Variants in IGFL2 observed in about 807,000 individuals in gnomAD.
IGFL2 encodes the protein insulin growth factor-like family member 2.
A neutral mutation model predicts 13.9 loss-of-function variants in IGFL2; 7 were observed. The ratio of observed to expected loss-of-function variants is 0.51; its 90% confidence interval spans 0.29 to 0.95. The LOEUF (loss-of-function observed/expected upper bound fraction) is 0.95. Ranked by LOEUF, IGFL2 falls within the 40% of genes least tolerant of loss-of-function variation. The pLI is 0.08. For synonymous variants in IGFL2, 55 were observed against 55.8 expected, an observed-to-expected ratio of 0.99 and a Z score of 0.07; for missense variants, 138 against 147.8, an observed-to-expected ratio of 0.93 and a Z score of 0.34.
chr19:46,140,245 C>CTATATA (rs10574851), upstream of IGFL2, among the ~76,000 whole-genome samples: 275 of 148,580 alleles, frequency 1.9e-3, 1 homozygote, highest in Middle Eastern at 7.0e-3. Flanking sequence ...CACGCCCAGC[C>CTATATA]TATATATATA....
the IGFL2 span, among the ~76,000 whole-genome samples, chr19:46,108,327 C>T: frequency 6.2e-4 from 95 of 152,020 alleles, 1 homozygote; most frequent in Non-Finnish European, 1.1e-3. Flanking sequence ...CATCTCAGAC[C>T]GTTTGCCCAT....
At chr19:46,166,361 A>G in the IGFL2 span, among the ~76,000 whole-genome samples, 3 of 152,184 alleles carry the variant, frequency 2.0e-5, no homozygotes, top group Non-Finnish European at 4.4e-5. Context: ...AGGGATTTTC[A>G]AAAGGGAAGG....
At chr19:46,201,762 G>GA in the IGFL2 span, among the ~76,000 whole-genome samples, 1 of 152,196 alleles carries the variant, frequency 6.6e-6, no homozygotes, top group Non-Finnish European at 1.5e-5. Context: ...AGACGTGAAG[G>GA]AGGCTTTAGG....
chr19:46,215,317 C>A, the IGFL2 span, among the ~76,000 whole-genome samples: 1 of 151,994 alleles, frequency 6.6e-6, no homozygotes, highest in Non-Finnish European at 1.5e-5. Context: ...AGAGTGGTAA[C>A]TTTAAGTCTT....
At chr19:46,124,375 GA>G in the IGFL2 span, 1 of 1,538,434 alleles carries the variant, frequency 6.5e-7, no homozygotes, top group Non-Finnish European at 9.0e-7. Context: ...GACAAGTATG[GA>G]AAAAACAAAC....
chr19:46,089,957 C>T, the IGFL2 span, among the ~76,000 whole-genome samples: 5 of 152,088 alleles, frequency 3.3e-5, no homozygotes, highest in African/African-American at 1.2e-4. Context: ...CTCTTGGTCT[C>T]CCTCTTTAAT....
the IGFL2 span, chr19:46,124,297 A>G: frequency 3.1e-6 from 5 of 1,610,762 alleles, no homozygotes; most frequent in Admixed American, 1.7e-5. Context: ...CTGGAGGAGG[A>G]AGACTGTTAT....
downstream of IGFL2, chr19:46,161,318 CTTT>C (rs71175262): frequency 9.0e-3 from 2,143 of 237,470 alleles, 1 homozygote; most frequent in South Asian, 0.022. Context: ...CGTCTCCTTT[CTTT>C]TTTTTTTTTT....
chr19:46,155,201 G>A (rs1237532249), intron 1 of IGFL2, among the ~76,000 whole-genome samples: 4 of 152,204 alleles, frequency 2.6e-5, no homozygotes, highest in Admixed American at 2.6e-4. Context: ...CCCCGGTGCT[G>A]TAAGCCACAA....
chr19:46,092,090 C>A, the IGFL2 span, among the ~76,000 whole-genome samples: 2 of 152,156 alleles, frequency 1.3e-5, no homozygotes, highest in Non-Finnish European at 1.5e-5. Flanking sequence ...TAATTACTTT[C>A]ATTCACTGTC....
the IGFL2 span, among the ~76,000 whole-genome samples, chr19:46,135,676 A>T: frequency 6.6e-6 from 1 of 152,162 alleles, no homozygotes; most frequent in East Asian, 1.9e-4. Context: ...GGCTGTGTAG[A>T]TCTAGAACTA....
the IGFL2 span, among the ~76,000 whole-genome samples, chr19:46,127,256 G>A: frequency 6.6e-6 from 1 of 152,122 alleles, no homozygotes; most frequent in South Asian, 2.1e-4. Context: ...TGGGCATGGT[G>A]GTACATGCCT....
At chr19:46,170,561 G>A in the IGFL2 span, among the ~76,000 whole-genome samples, 1 of 152,194 alleles carries the variant, frequency 6.6e-6, no homozygotes, top group Non-Finnish European at 1.5e-5. Context: ...CTGGCTGCCT[G>A]TGGGCTGGGC....
At chr19:46,154,982 C>G (rs1278897461) in intron 1 of IGFL2, among the ~76,000 whole-genome samples, 2 of 152,146 alleles carry the variant, frequency 1.3e-5, no homozygotes, top group East Asian at 3.9e-4. Flanking sequence ...GGGACAGCAG[C>G]TAGCTTCTCC....
At chr19:46,148,902 G>T (rs543085736) in intron 1 of IGFL2, 4 of 1,549,150 alleles carry the variant, frequency 2.6e-6, no homozygotes, top group East Asian at 4.9e-5. Context: ...GTGATGAGGG[G>T]ATCATCCTGC....
At chr19:46,178,282 GAAA>G in the IGFL2 span, among the ~76,000 whole-genome samples, 1 of 149,026 alleles carries the variant, frequency 6.7e-6, no homozygotes, top group East Asian at 2.0e-4. Flanking sequence ...GCCTCAAAAA[GAAA>G]AAAAAAATAG....
chr19:46,089,919 CTAT>C, the IGFL2 span, among the ~76,000 whole-genome samples: 1 of 152,104 alleles, frequency 6.6e-6, no homozygotes. Flanking sequence ...AAACTTTCTG[CTAT>C]TATTTGTTTA....
At chr19:46,125,073 C>T in the IGFL2 span, among the ~76,000 whole-genome samples, 1 of 152,164 alleles carries the variant, frequency 6.6e-6, no homozygotes, top group Non-Finnish European at 1.5e-5. Context: ...CACATCCTCC[C>T]CTTCCTAATA....
chr19:46,185,207 C>T, the IGFL2 span, among the ~76,000 whole-genome samples: 2 of 152,156 alleles, frequency 1.3e-5, no homozygotes, highest in Admixed American at 6.5e-5. Flanking sequence ...GTTGTCTGTT[C>T]ACTCTGCTGA....
Sources: gnomAD v4.1 joint callset for allele counts (sites outside exome capture counted in the v4.1 genomes callset) on GRCh38, gnomAD v4.1.1 for gene constraint, MANE v1.5 for transcripts, NCBI Gene and HGNC (gene_info 2026-07-23, HGNC 2026-07-21) for gene names.